The following NAV2 variants were observed in gnomAD, a reference collection of about 807,000 sequenced individuals.
NAV2 encodes helicase, APC down-regulated 1.
NAV2 carries 54 observed loss-of-function variants against 223.2 expected under a neutral mutation model. The observed-to-expected ratio is 0.24, with a 90% CI of 0.19 to 0.30. NAV2 has a LOEUF of 0.30. NAV2 is among the 10% of genes least tolerant of loss of function. NAV2 has a pLI of 1.00. For missense variants in NAV2, 2,806 were observed against 3,147.5 expected, an observed-to-expected ratio of 0.89 and a Z score of 2.60; for synonymous variants, 1,279 against 1,239.3, an observed-to-expected ratio of 1.03 and a Z score of -0.67.
chr11:19,473,919 C>T (rs763565933), intron 1 of NAV2, among the ~76,000 whole-genome samples: 2 of 152,188 alleles, frequency 1.3e-5, no homozygotes, highest in Non-Finnish European at 2.9e-5. Context: ...AGGTTATGAC[C>T]TCCTTGGCTG....
At chr11:19,964,490 C>CT (rs1263148681) in intron 10 of NAV2, among the ~76,000 whole-genome samples, 1 of 97,622 alleles carries the variant, frequency 1.0e-5, no homozygotes, top group African/African-American at 5.2e-5. Flanking sequence ...TCTTTTCATC[C>CT]TCTTTTTTTT....
At chr11:20,059,234 G>A (rs1261908506) in intron 19 of NAV2, among the ~76,000 whole-genome samples, 1 of 152,154 alleles carries the variant, frequency 6.6e-6, no homozygotes, top group Non-Finnish European at 1.5e-5. Context: ...CCCAATTGTG[G>A]AATGAGAAGT....
chr11:19,410,136 G>A (rs1327057610), intron 1 of NAV2, among the ~76,000 whole-genome samples: 2 of 152,276 alleles, frequency 1.3e-5, no homozygotes, highest in Non-Finnish European at 2.9e-5. Context: ...GCAGACAGAG[G>A]TGGTCCTCCC....
At chr11:19,734,527 A>G (rs531437963) in intron 1 of NAV2, among the ~76,000 whole-genome samples, 1 of 152,292 alleles carries the variant, frequency 6.6e-6, no homozygotes, top group Non-Finnish European at 1.5e-5. Context: ...TTCACCCTCA[A>G]TCTGATGTAA....
At chr11:19,792,021 G>A (rs980393477) in intron 1 of NAV2, among the ~76,000 whole-genome samples, 1 of 152,190 alleles carries the variant, frequency 6.6e-6, no homozygotes, top group Non-Finnish European at 1.5e-5. Context: ...TGAGAGGACT[G>A]TCCTGGGCAT....
chr11:20,098,533 A>T (rs2245098), intron 31 of NAV2, among the ~76,000 whole-genome samples: 133,338 of 152,296 alleles, frequency 0.88, 59,345 homozygotes, highest in Middle Eastern at 0.96. Flanking sequence ...CTCATTTCTT[A>T]CTTCCCTGAA....
At chr11:19,449,612 G>A (rs1396951646) in intron 1 of NAV2, among the ~76,000 whole-genome samples, 1 of 136,980 alleles carries the variant, frequency 7.3e-6, no homozygotes, top group Non-Finnish European at 1.5e-5. Context: ...GGGTGTGTGT[G>A]TGTGTTGTGG....
intron 1 of NAV2, among the ~76,000 whole-genome samples, chr11:19,512,107 G>A (rs1323032397): frequency 6.6e-6 from 1 of 152,090 alleles, no homozygotes; most frequent in East Asian, 1.9e-4. Flanking sequence ...TAAACTCTCT[G>A]TTTCCCTTCC....
At chr11:19,386,146 T>A (rs1849035250) in intron 1 of NAV2, among the ~76,000 whole-genome samples, 1 of 152,226 alleles carries the variant, frequency 6.6e-6, no homozygotes, top group Non-Finnish European at 1.5e-5. Flanking sequence ...TTGACATGGC[T>A]TTGTTTACTT....
chr11:20,039,428 CCT>C, intron 12 of NAV2, among the ~76,000 whole-genome samples: 1 of 152,190 alleles, frequency 6.6e-6, no homozygotes, highest in Admixed American at 6.5e-5. Context: ...CTTATCTCTC[CCT>C]CCCTTCCTCC....
At chr11:19,641,026 T>G (rs2047649040) in intron 1 of NAV2, among the ~76,000 whole-genome samples, 1 of 152,082 alleles carries the variant, frequency 6.6e-6, no homozygotes. Context: ...AGAGCATCAG[T>G]GTTTTGGAGA....
chr11:19,382,373 C>T (rs929343902), intron 1 of NAV2, among the ~76,000 whole-genome samples: 4 of 152,148 alleles, frequency 2.6e-5, no homozygotes, highest in African/African-American at 4.8e-5. Flanking sequence ...CAGTGACCTT[C>T]GACAGCAGCA....
upstream of NAV2, among the ~76,000 whole-genome samples, chr11:19,710,382 T>C (rs1192198573): frequency 1.3e-5 from 2 of 152,256 alleles, no homozygotes; most frequent in Admixed American, 6.5e-5. Flanking sequence ...ATCTGTATTT[T>C]AGCAAGATCC....
At chr11:19,864,795 A>C (rs577787010) in intron 3 of NAV2, among the ~76,000 whole-genome samples, 4 of 152,298 alleles carry the variant, frequency 2.6e-5, no homozygotes, top group African/African-American at 7.2e-5. Context: ...TTGGCTCCAA[A>C]CAAAGGGAAT....
chr11:19,545,618 T>C (rs1264022495), intron 1 of NAV2, among the ~76,000 whole-genome samples: 21 of 152,054 alleles, frequency 1.4e-4, no homozygotes, highest in Non-Finnish European at 2.5e-4. Context: ...TAGAGGGTAC[T>C]AAACACTTGG....
chr11:19,368,664 C>G (rs553833367), intron 1 of NAV2, among the ~76,000 whole-genome samples: 1 of 152,122 alleles, frequency 6.6e-6, no homozygotes, highest in Non-Finnish European at 1.5e-5. Flanking sequence ...GGAACTGTTA[C>G]GGTTTATATT....
Position 19,897,384 on chromosome 11 carries a change from A to T in NAV2, c.931+4790A>T, listed in dbSNP as rs190861313. On this transcript the variant is annotated intron_variant, in intron 6 of 37. Transcript: ENST00000349880. ...GTACCCTAAAACTTAAAGTGTAATT[A>T]AAAAAAAAGGGAATTAAAAATTGTA... 4.0e-3 allele frequency among the ~76,000 whole-genome samples: 609 copies of T among 151,380 alleles called. 3 individuals are homozygous for T. Among genetic ancestry groups the T allele is most frequent in the East Asian group, 0.028 (146 of 5,150 alleles).
At chr11:20,113,835 C>T (rs2062829939) in intron 36 of NAV2, among the ~76,000 whole-genome samples, 1 of 151,684 alleles carries the variant, frequency 6.6e-6, no homozygotes, top group Non-Finnish European at 1.5e-5. Flanking sequence ...ATAGAGAGAT[C>T]CCATCTCTTA....
At chr11:19,999,882 A>T (rs963737938) in intron 11 of NAV2, among the ~76,000 whole-genome samples, 2 of 152,248 alleles carry the variant, frequency 1.3e-5, no homozygotes, top group Non-Finnish European at 2.9e-5. Flanking sequence ...AGTCATGATC[A>T]GAATGCTGAT....
Sources: allele counts gnomAD v4.1 joint callset (sites outside exome capture counted in the v4.1 genomes callset), GRCh38; gene constraint gnomAD v4.1.1; transcripts MANE v1.5; gene names NCBI Gene and HGNC (gene_info 2026-07-23, HGNC 2026-07-21).